Variants in IL1RAPL2 observed in about 807,000 individuals in gnomAD.
IL1RAPL2 encodes the protein interleukin 1 receptor accessory protein like 2.
A neutral mutation model predicts 44.1 loss-of-function variants in IL1RAPL2; 3 were observed. The ratio of observed to expected loss-of-function variants is 0.07; its 90% CI spans 0.03 to 0.18. The LOEUF is 0.18. IL1RAPL2 is among the 10% of genes least tolerant of loss of function. IL1RAPL2 has a pLI of 1.00. For missense variants in IL1RAPL2, 391 were observed against 496.4 expected, an observed-to-expected ratio of 0.79 and a Z score of 2.02; for synonymous variants, 181 against 178.8, an observed-to-expected ratio of 1.01 and a Z score of -0.10.
rs753015550 is a variant in IL1RAPL2, at chrX:105,320,372, G to T, written c.697+52831G>T. Among the ~76,000 whole-genome samples, 7 of 111,569 alleles carry T rather than the reference G, an allele frequency of 6.3e-5. No individual in the cohort carries two copies. The South Asian group carries it at 1.9e-3, about 30-fold the overall frequency. On this transcript the variant is annotated intron_variant, in intron 5 of 10. Transcript: ENST00000372582. ...AGGATTGTAGTTACTTCACTAACTGGGTCTAGGGGCAATAAGGAGAAGAAA... is the reference window on the plus strand; with the variant it reads ...AGGATTGTAGTTACTTCACTAACTGTGTCTAGGGGCAATAAGGAGAAGAAA...
chrX:105,516,200 C>T (rs778706750), intron 6 of IL1RAPL2, among the ~76,000 whole-genome samples: 4 of 112,310 alleles, frequency 3.6e-5, no homozygotes, highest in African/African-American at 9.7e-5. Flanking sequence ...CATGTTTTCA[C>T]CAGGTGCATA....
At chrX:104,672,187 G>T (rs1930619916) in intron 2 of IL1RAPL2, among the ~76,000 whole-genome samples, 1 of 110,884 alleles carries the variant, frequency 9.0e-6, no homozygotes, top group African/African-American at 3.3e-5. Flanking sequence ...CATGTGACAT[G>T]CTGGTGCACT....
chrX:104,882,653 C>A (rs1357594111), intron 2 of IL1RAPL2, among the ~76,000 whole-genome samples: 4 of 111,750 alleles, frequency 3.6e-5, no homozygotes, highest in South Asian at 7.6e-4. Flanking sequence ...TAAAATGGAC[C>A]AATCAGCAGG....
chrX:105,534,268 T>C (rs2036661947), intron 6 of IL1RAPL2, among the ~76,000 whole-genome samples: 1 of 111,893 alleles, frequency 8.9e-6, no homozygotes, highest in Non-Finnish European at 1.9e-5. Flanking sequence ...TTTAAAAATT[T>C]ATATTTCTAA....
chrX:105,369,245 T>A (rs1440931097), intron 5 of IL1RAPL2, among the ~76,000 whole-genome samples: 1 of 111,134 alleles, frequency 9.0e-6, no homozygotes, highest in Non-Finnish European at 1.9e-5. Context: ...TGATACTTTC[T>A]GTGAATTAGA....
intron 2 of IL1RAPL2, among the ~76,000 whole-genome samples, chrX:104,801,647 A>G (rs1184092879): frequency 9.0e-6 from 1 of 111,524 alleles, no homozygotes; most frequent in Non-Finnish European, 1.9e-5. Flanking sequence ...GTAATAGTAT[A>G]TGGTTTGGTA....
At chrX:105,160,290 T>C (rs771857074) in intron 2 of IL1RAPL2, among the ~76,000 whole-genome samples, 1 of 110,983 alleles carries the variant, frequency 9.0e-6, no homozygotes, top group African/African-American at 3.3e-5. Flanking sequence ...AAGGACTCAT[T>C]GATCCCTGCA....
At chrX:105,361,255 T>C (rs2035245487) in intron 5 of IL1RAPL2, among the ~76,000 whole-genome samples, 1 of 111,463 alleles carries the variant, frequency 9.0e-6, no homozygotes, top group African/African-American at 3.3e-5. Flanking sequence ...GGGAAATTAC[T>C]CCAAAAATCC....
In IL1RAPL2 at chrX:105,222,957, C is replaced by T. The variant is rs189379510; in HGVS notation, c.357-10861C>T. Among the ~76,000 whole-genome samples, 421 of 111,129 alleles carry T rather than the reference C, an allele frequency of 3.8e-3. 1 individual carries two copies. Among genetic ancestry groups the T allele is most frequent in the Non-Finnish European group, 4.0e-3 (212 of 52,980 alleles). ...CTGAGGTCAGTAGATGGAGACCAGC[C>T]TAGCAAACATGGCAAAATCCTGTGT... On this transcript the variant is annotated intron_variant, in intron 3 of 10. Coordinates refer to ENST00000372582, the MANE Select transcript of IL1RAPL2 (RefSeq NM_017416.2).
intron 2 of IL1RAPL2, among the ~76,000 whole-genome samples, chrX:105,144,777 C>T (rs1360408579): frequency 9.0e-6 from 1 of 111,433 alleles, no homozygotes; most frequent in Non-Finnish European, 1.9e-5. Flanking sequence ...TACATAGTAA[C>T]TGCTAAAATT....
At chrX:105,643,239 T>C (rs771019565) in intron 6 of IL1RAPL2, among the ~76,000 whole-genome samples, 15 of 111,300 alleles carry the variant, frequency 1.3e-4, no homozygotes, top group Non-Finnish European at 2.8e-4. Context: ...AAGTTGAAAA[T>C]TGTATACAGA....
chrX:105,489,787 T>TTC (rs36081932), intron 6 of IL1RAPL2, among the ~76,000 whole-genome samples: 10,792 of 73,194 alleles, frequency 0.15, 763 homozygotes, highest in African/African-American at 0.19. Flanking sequence ...CTTTCTCTCT[T>TTC]TCTCTCTCTC....
At chrX:104,841,495 T>A (rs1470112315) in intron 2 of IL1RAPL2, among the ~76,000 whole-genome samples, 2 of 112,066 alleles carry the variant, frequency 1.8e-5, no homozygotes, top group Admixed American at 1.9e-4. Context: ...TTGGTCTTTA[T>A]ATTTTGGTGT....
intron 2 of IL1RAPL2, among the ~76,000 whole-genome samples, chrX:105,134,057 C>A (rs1222978651): frequency 1.8e-5 from 2 of 111,888 alleles, no homozygotes; most frequent in African/African-American, 6.5e-5. Context: ...AATTGTCTTT[C>A]TAATCTCAGA....
At chrX:105,017,238 C>CT (rs1463963233) in intron 2 of IL1RAPL2, among the ~76,000 whole-genome samples, 1 of 110,025 alleles carries the variant, frequency 9.1e-6, no homozygotes, top group African/African-American at 3.3e-5. Context: ...ATTTGTTGAT[C>CT]TTTAAAAAAA....
intron 5 of IL1RAPL2, among the ~76,000 whole-genome samples, chrX:105,434,858 G>T (rs1480549139): frequency 1.8e-5 from 2 of 111,920 alleles, no homozygotes; most frequent in African/African-American, 6.5e-5. Context: ...TCACATTTAA[G>T]CCTTTAATCC....
chrX:104,691,973 G>A (rs891742094), intron 2 of IL1RAPL2, among the ~76,000 whole-genome samples: 4 of 111,698 alleles, frequency 3.6e-5, no homozygotes, highest in Non-Finnish European at 7.5e-5. Flanking sequence ...ACAATGCCTA[G>A]TTAGGTAAAA....
chrX:105,182,513 A>G (rs782321233), intron 2 of IL1RAPL2, among the ~76,000 whole-genome samples: 20 of 111,141 alleles, frequency 1.8e-4, no homozygotes, highest in African/African-American at 3.9e-4. Flanking sequence ...TACTTTGTCT[A>G]TGTCTTTATA....
chrX:105,114,256 A>T (rs1384493192), intron 2 of IL1RAPL2, among the ~76,000 whole-genome samples: 7 of 111,946 alleles, frequency 6.3e-5, no homozygotes, highest in Non-Finnish European at 1.3e-4. Flanking sequence ...GGAAGCCCTC[A>T]TCAGACAATG....
Sources: gnomAD v4.1 joint callset for allele counts (sites outside exome capture counted in the v4.1 genomes callset) on GRCh38, gnomAD v4.1.1 for gene constraint, MANE v1.5 for transcripts, NCBI Gene and HGNC (gene_info 2026-07-23, HGNC 2026-07-21) for gene names.